The following GALNT13 variants were observed in gnomAD, a reference collection of about 807,000 sequenced individuals.
GALNT13 encodes the protein UDP-GalNAc:polypeptide N-acetylgalactosaminyltransferase 13.
GALNT13 carries 28 observed loss-of-function variants against 64.2 expected under a neutral mutation model. The ratio of observed to expected loss-of-function variants is 0.44; its 90% CI spans 0.32 to 0.60. GALNT13 has a LOEUF of 0.60. GALNT13 is among the 20% of genes least tolerant of loss of function. The pLI is 0.05. For missense variants in GALNT13, 577 were observed against 669.8 expected, an observed-to-expected ratio of 0.86 and a Z score of 1.53; for synonymous variants, 214 against 224.6, an observed-to-expected ratio of 0.95 and a Z score of 0.42.
intron 9 of GALNT13, among the ~76,000 whole-genome samples, chr2:154,302,109 G>T (rs1453063816): frequency 1.3e-5 from 2 of 151,776 alleles, no homozygotes; most frequent in Non-Finnish European, 2.9e-5. Flanking sequence ...GTAGGATTAT[G>T]GGTAATTCTT....
intron 9 of GALNT13, among the ~76,000 whole-genome samples, chr2:154,344,455 T>A (rs1574125136): frequency 1.1e-5 from 1 of 95,060 alleles, no homozygotes. Flanking sequence ...ACTGTGAAGA[T>A]ATTAGCTTGA....
At chr2:153,245,859 A>C in the GALNT13 span, among the ~76,000 whole-genome samples, 2 of 152,256 alleles carry the variant, frequency 1.3e-5, no homozygotes, top group East Asian at 3.9e-4. Context: ...TCTGAGCTAA[A>C]GGAGCATGTT....
the GALNT13 span, among the ~76,000 whole-genome samples, chr2:153,281,899 C>T: frequency 6.7e-6 from 1 of 150,328 alleles, no homozygotes; most frequent in African/African-American, 2.4e-5. Context: ...CATATAATAT[C>T]ACACAGGTTA....
At chr2:153,325,194 A>G in the GALNT13 span, among the ~76,000 whole-genome samples, 1 of 114,584 alleles carries the variant, frequency 8.7e-6, no homozygotes, top group Non-Finnish European at 1.7e-5. Context: ...TTGCTCTATT[A>G]AGGGATTTGA....
the GALNT13 span, among the ~76,000 whole-genome samples, chr2:153,389,761 G>C: frequency 2.0e-5 from 3 of 152,012 alleles, no homozygotes; most frequent in African/African-American, 4.8e-5. Flanking sequence ...TGGAGAGAGC[G>C]CTGGGCTAGA....
At chr2:153,956,503 A>G (rs1039718242) in intron 3 of GALNT13, among the ~76,000 whole-genome samples, 4 of 152,130 alleles carry the variant, frequency 2.6e-5, no homozygotes, top group African/African-American at 9.7e-5. Flanking sequence ...GACTTGTCCT[A>G]TGCTGCCTAT....
intron 4 of GALNT13, among the ~76,000 whole-genome samples, chr2:154,227,101 C>T (rs1688659414): frequency 6.6e-6 from 1 of 152,028 alleles, no homozygotes. Context: ...CTCTCGTAGT[C>T]AGGGTGATTT....
At chr2:154,320,971 T>G (rs1041077814) in intron 9 of GALNT13, among the ~76,000 whole-genome samples, 9 of 152,162 alleles carry the variant, frequency 5.9e-5, no homozygotes, top group South Asian at 2.1e-4. Flanking sequence ...TTTTCTCTGG[T>G]ATTTATTGGC....
chr2:153,529,708 G>A, the GALNT13 span, among the ~76,000 whole-genome samples: 2 of 151,882 alleles, frequency 1.3e-5, no homozygotes, highest in Non-Finnish European at 2.9e-5. Flanking sequence ...TCATCATCAC[G>A]ATCAAGTGGG....
At chr2:154,311,755 C>T (rs1346995458) in intron 9 of GALNT13, among the ~76,000 whole-genome samples, 2,734 of 128,264 alleles carry the variant, frequency 0.021, no homozygotes, top group African/African-American at 0.032. Flanking sequence ...GAGACAGGTA[C>T]GCCCTGGGGG....
At chr2:153,909,867 C>G (rs969206196) in intron 2 of GALNT13, among the ~76,000 whole-genome samples, 4 of 152,046 alleles carry the variant, frequency 2.6e-5, no homozygotes, top group Non-Finnish European at 5.9e-5. Flanking sequence ...CTATCCTCAT[C>G]AAGAATTTTG....
At chr2:154,379,622 G>T (rs1698172041) in intron 9 of GALNT13, among the ~76,000 whole-genome samples, 1 of 151,988 alleles carries the variant, frequency 6.6e-6, no homozygotes, top group South Asian at 2.1e-4. Context: ...AATAATTAAT[G>T]AGTAGTCCTA....
the GALNT13 span, among the ~76,000 whole-genome samples, chr2:153,498,334 A>G: frequency 1.3e-5 from 2 of 152,236 alleles, no homozygotes. Context: ...TGCTGAATAT[A>G]TCTTGTGCCC....
the GALNT13 span, among the ~76,000 whole-genome samples, chr2:153,140,139 A>G: frequency 6.6e-6 from 1 of 152,214 alleles, no homozygotes; most frequent in Non-Finnish European, 1.5e-5. Flanking sequence ...TAAACAATAC[A>G]ACCAAAAACT....
chr2:153,547,624 C>T, the GALNT13 span, among the ~76,000 whole-genome samples: 1 of 152,136 alleles, frequency 6.6e-6, no homozygotes, highest in South Asian at 2.1e-4. Context: ...CAAAAATTCC[C>T]ACCCTCTTGG....
the GALNT13 span, among the ~76,000 whole-genome samples, chr2:153,174,891 T>C: frequency 6.7e-6 from 1 of 149,202 alleles, no homozygotes; most frequent in African/African-American, 2.4e-5. Flanking sequence ...CCTTCACCCA[T>C]CACCCAATTC....
the GALNT13 span, among the ~76,000 whole-genome samples, chr2:153,785,412 C>T: frequency 6.6e-6 from 1 of 152,172 alleles, no homozygotes; most frequent in African/African-American, 2.4e-5. Context: ...GTAGCCATCA[C>T]TGTTGATATA....
chr2:153,394,083 G>A, the GALNT13 span, among the ~76,000 whole-genome samples: 1 of 151,918 alleles, frequency 6.6e-6, no homozygotes, highest in Non-Finnish European at 1.5e-5. Context: ...AGTGACGTGT[G>A]TTGGTTCCAA....
chr2:153,992,653 C>T (rs1189345824), intron 3 of GALNT13, among the ~76,000 whole-genome samples: 2 of 151,964 alleles, frequency 1.3e-5, no homozygotes, highest in East Asian at 1.9e-4. Context: ...AAGTGTATCC[C>T]CTTCTAGTAA....
Sources: allele counts gnomAD v4.1 joint callset (sites outside exome capture counted in the v4.1 genomes callset), GRCh38; gene constraint gnomAD v4.1.1; transcripts MANE v1.5; gene names NCBI Gene and HGNC (gene_info 2026-07-23, HGNC 2026-07-21).